Variants in NALF1 observed in about 807,000 individuals in gnomAD.
NALF1 encodes the protein family with sequence similarity 155 member A.
A neutral mutation model predicts 48.4 loss-of-function variants in NALF1; 3 were observed. The ratio of observed to expected loss-of-function variants is 0.06; its 90% CI spans 0.03 to 0.16. The LOEUF (loss-of-function observed/expected upper bound fraction) is 0.16. Among genes scored for constraint, NALF1 ranks in the 10% least tolerant of loss-of-function variants. The probability of loss-of-function intolerance (pLI) is 1.00; values close to 1 mark genes in which losing one functional copy is unlikely to be tolerated. For missense variants in NALF1, 526 were observed against 571.5 expected (o/e 0.92, Z 0.81); for synonymous variants, 262 against 245.7 (o/e 1.07, Z -0.62).
chr13:107,333,111 G>T (rs1350157975), intron 1 of NALF1, among the ~76,000 whole-genome samples: 1 of 152,158 alleles, frequency 6.6e-6, no homozygotes, highest in Non-Finnish European at 1.5e-5. Flanking sequence ...CTCCCAAAGT[G>T]CTGGGATTAC....
chr13:107,726,205 A>G (rs1279228892), intron 1 of NALF1, among the ~76,000 whole-genome samples: 1 of 152,124 alleles, frequency 6.6e-6, no homozygotes, highest in Admixed American at 6.5e-5. Flanking sequence ...TATCTTTTTG[A>G]TGTGCAAAAA....
chr13:107,535,848 A>T (rs1318937707), intron 1 of NALF1, among the ~76,000 whole-genome samples: 2 of 152,206 alleles, frequency 1.3e-5, no homozygotes, highest in South Asian at 4.1e-4. Context: ...TACAGTAACC[A>T]AAACAGCATG....
intron 1 of NALF1, among the ~76,000 whole-genome samples, chr13:107,502,242 A>AT (rs1875548595): frequency 1.3e-5 from 2 of 152,144 alleles, no homozygotes; most frequent in Non-Finnish European, 2.9e-5. Context: ...AGTTCATATT[A>AT]TGTTTTATTC....
intron 1 of NALF1, among the ~76,000 whole-genome samples, chr13:107,802,145 A>T (rs1403573680): frequency 6.6e-6 from 1 of 152,208 alleles, no homozygotes; most frequent in Non-Finnish European, 1.5e-5. Flanking sequence ...TGTCAAATAT[A>T]AATGTAAACC....
At chr13:107,426,600 G>A (rs943056600) in intron 1 of NALF1, among the ~76,000 whole-genome samples, 14 of 152,098 alleles carry the variant, frequency 9.2e-5, no homozygotes, top group African/African-American at 2.9e-4. Context: ...AAGAGCTTGC[G>A]AAGGGTCAAA....
At chr13:107,174,283 C>T (rs1021276059) in intron 2 of NALF1, among the ~76,000 whole-genome samples, 2 of 152,062 alleles carry the variant, frequency 1.3e-5, no homozygotes, top group Non-Finnish European at 2.9e-5. Flanking sequence ...AGGAGGGCTG[C>T]GGCCTGTGAG....
At chr13:107,634,942 G>A (rs1053515405) in intron 1 of NALF1, among the ~76,000 whole-genome samples, 1 of 152,142 alleles carries the variant, frequency 6.6e-6, no homozygotes, top group Admixed American at 6.6e-5. Context: ...ACAAGTAGGA[G>A]TATAAGATTA....
chr13:107,438,788 A>G (rs544484022), intron 1 of NALF1, among the ~76,000 whole-genome samples: 2 of 130,946 alleles, frequency 1.5e-5, no homozygotes, highest in African/African-American at 5.6e-5. Flanking sequence ...AGATCATACC[A>G]CTGCACTCCA....
chr13:107,605,156 A>C (rs1420727072), intron 1 of NALF1, among the ~76,000 whole-genome samples: 1 of 152,196 alleles, frequency 6.6e-6, no homozygotes, highest in African/African-American at 2.4e-5. Context: ...ATTTAAACAA[A>C]AAGCTTGTCA....
intron 1 of NALF1, among the ~76,000 whole-genome samples, chr13:107,363,718 A>G (rs1270975617): frequency 6.6e-6 from 1 of 152,224 alleles, no homozygotes; most frequent in Non-Finnish European, 1.5e-5. Context: ...ATTTTTGTCT[A>G]TTGAAGAACT....
chr13:107,565,100 AGAC>A (rs1877763622), intron 1 of NALF1, among the ~76,000 whole-genome samples: 1 of 143,524 alleles, frequency 7.0e-6, no homozygotes, highest in East Asian at 2.0e-4. Context: ...CATAAGTAAA[AGAC>A]AAAAAAAAAA....
At chr13:107,361,824 C>T (rs908322509) in intron 1 of NALF1, among the ~76,000 whole-genome samples, 33 of 152,170 alleles carry the variant, frequency 2.2e-4, no homozygotes, top group East Asian at 1.5e-3. Context: ...GTCAGCTCTT[C>T]GCTGGTCTTC....
chr13:107,683,437 C>T (rs1273446165), intron 1 of NALF1, among the ~76,000 whole-genome samples: 1 of 152,150 alleles, frequency 6.6e-6, no homozygotes, highest in East Asian at 1.9e-4. Flanking sequence ...AAGAGACAGA[C>T]TTAGGGTCAC....
chr13:107,190,601 C>T (rs1206577272), intron 2 of NALF1, among the ~76,000 whole-genome samples: 1 of 152,116 alleles, frequency 6.6e-6, no homozygotes, highest in African/African-American at 2.4e-5. Flanking sequence ...AATCCTCTGG[C>T]TCTGAAGAAA....
chr13:107,554,707 T>C (rs1019012589), intron 1 of NALF1, among the ~76,000 whole-genome samples: 8 of 152,208 alleles, frequency 5.3e-5, no homozygotes, highest in African/African-American at 1.9e-4. Context: ...TGTAATTGCT[T>C]CTGACAGTGG....
intron 1 of NALF1, among the ~76,000 whole-genome samples, chr13:107,473,345 G>C (rs1221799161): frequency 6.6e-6 from 1 of 152,156 alleles, no homozygotes; most frequent in Non-Finnish European, 1.5e-5. Context: ...TGTTGACTTA[G>C]AATACAGGAA....
At chr13:107,395,783 C>T (rs1883702151) in intron 1 of NALF1, among the ~76,000 whole-genome samples, 1 of 152,078 alleles carries the variant, frequency 6.6e-6, no homozygotes, top group African/African-American at 2.4e-5. Flanking sequence ...CGGCCGTCTT[C>T]TCTCCATGTT....
Position 107,170,216 on chromosome 13 carries a change from A to T in NALF1, c.*281T>A, listed in dbSNP as rs925434109. The T allele has an allele frequency of 9.2e-6, 3 of 326,236 alleles. No homozygotes were observed. Among genetic ancestry groups the T allele is most frequent in the African/African-American group, 6.2e-5 (3 of 48,284 alleles). The allele number at this position is 326,236 out of a possible 1,614,324, so 20.2% of individuals were successfully genotyped here. Reference sequence around the variant, plus strand: ...TAACAAGTGCAAAAAATAAACAAACAAATAAACCCAAACCAAAACGAAAGC... The same window carrying T: ...TAACAAGTGCAAAAAATAAACAAACTAATAAACCCAAACCAAAACGAAAGC... On this transcript the variant is annotated 3_prime_UTR_variant, in exon 3 of 3. Coordinates refer to ENST00000375915, the MANE Select transcript of NALF1 (RefSeq NM_001080396.3).
chr13:107,460,149 T>A (rs1193178618), intron 1 of NALF1, among the ~76,000 whole-genome samples: 2 of 152,200 alleles, frequency 1.3e-5, no homozygotes, highest in African/African-American at 4.8e-5. Flanking sequence ...CTTCTTTATA[T>A]CTCACTTCTT....
Sources: gnomAD v4.1 joint callset for allele counts (sites outside exome capture counted in the v4.1 genomes callset) on GRCh38, gnomAD v4.1.1 for gene constraint, MANE v1.5 for transcripts, NCBI Gene and HGNC (gene_info 2026-07-23, HGNC 2026-07-21) for gene names.